HOOK2: variants seen among roughly 807,000 people sequenced by gnomAD.
HOOK2 encodes protein Hook homolog 2.
A neutral mutation model predicts 111.9 loss-of-function variants in HOOK2; 108 were observed. The observed-to-expected ratio is 0.96, with a 90% CI of 0.83 to 1.13. The LOEUF (loss-of-function observed/expected upper bound fraction) is 1.13. HOOK2 is among the 50% of genes most tolerant of loss of function. The pLI, the probability that HOOK2 is intolerant of heterozygous loss-of-function variation, is 0.00. For missense variants in HOOK2, 978 were observed against 951.3 expected (o/e 1.03, Z -0.37); for synonymous variants, 405 against 394.3 (o/e 1.03, Z -0.32).
Position 12,772,806 on chromosome 19 carries a change from C to A in HOOK2, c.362G>T (p.Cys121Phe). The A allele has an allele frequency of 1.2e-6, 2 of 1,614,216 alleles. No individual in the cohort carries two copies. Among genetic ancestry groups the A allele is most frequent in the Non-Finnish European group, 1.7e-6 (2 of 1,180,026 alleles). Residue 121 changes from cysteine to phenylalanine, a missense_variant, in exon 5 of 23, where the codon TGT becomes TTT. This residue lies in a region of HOOK2 where 301 missense variants were observed against 286.1 expected (regional missense o/e 1.05). Transcript: ENST00000397668. Reference sequence around the variant, plus strand: ...CTGCTTTTTCTCGCAACTGATGGCACAGCCCAGCACCAGCTGAAGCAGCTT... The same window carrying A: ...CTGCTTTTTCTCGCAACTGATGGCAAAGCCCAGCACCAGCTGAAGCAGCTT... ...LGKLLQLVLGCAISCEKKQDH... is the reference protein window; with the variant it reads ...LGKLLQLVLGFAISCEKKQDH...
chr19:12,763,755 C>T lies in HOOK2; in HGVS notation c.1851G>A (p.Lys617=), dbSNP rs764692264. Residue 617 remains lysine (K), a synonymous_variant, in exon 21 of 23, where the codon AAG becomes AAA. Coordinates refer to ENST00000397668, the MANE Select transcript of HOOK2 (RefSeq NM_013312.3). ...GAGGTGCCCCCGCAGCTGGCCGCTG[C>T]TTGGGTTCCATGGTCTGCATGACCT... ...ARMVMQTMEP[K]QRPAAGAPPE... 6.2e-7 allele frequency: 1 copy of T among 1,614,174 alleles called. No individual in the cohort carries two copies. The highest frequency in any genetic ancestry group is 8.5e-7 in the Non-Finnish European group (1 of 1,180,016).
upstream of HOOK2, among the ~76,000 whole-genome samples, chr19:12,782,801 C>T (rs1410275077): frequency 6.6e-6 from 1 of 152,182 alleles, no homozygotes; most frequent in African/African-American, 2.4e-5. Context: ...CTTGTGGCCC[C>T]TCGACCGAGC....
intron 11 of HOOK2, among the ~76,000 whole-genome samples, 182 bp downstream of exon 11, chr19:12,769,699 G>A (rs758502499): frequency 6.6e-6 from 1 of 152,236 alleles, no homozygotes; most frequent in South Asian, 2.1e-4. Flanking sequence ...GTACTTAAGG[G>A]AAGGGAAAGG....
At chr19:12,774,791 C>T in intron 2 of HOOK2, 21 bp downstream of exon 2, 1 of 1,613,750 alleles carries the variant, frequency 6.2e-7, no homozygotes, top group Non-Finnish European at 8.5e-7. Context: ...TTTTGGGATC[C>T]TCCCCTTCAG....
At position 12,767,919 on chromosome 19, in the gene HOOK2, A is replaced by C; in HGVS notation, c.1216-16T>G. ...CCAACAGCCGCTGCAGGGACAGGGT[A>C]CAAGACACTCCACGGGTCAGGCTCG... On this transcript the variant is annotated splice_polypyrimidine_tract_variant and intron_variant, in intron 12 of 22. Coordinates refer to ENST00000397668, the MANE Select transcript of HOOK2 (RefSeq NM_013312.3). The C allele has an allele frequency of 6.2e-7, 1 of 1,611,698 alleles. No individual in the cohort carries two copies. The highest frequency in any genetic ancestry group is 1.1e-5 in the South Asian group (1 of 90,958).
At position 12,763,778 on chromosome 19, in the gene HOOK2, C is replaced by A; in HGVS notation, c.1828G>T (p.Val610Phe). The change falls in exon 21 of 23, where the codon GTC (valine) becomes TTC (phenylalanine). Residue 610 changes from valine (V) to phenylalanine (F), a missense_variant and splice_region_variant. Val to Phe is a conservative substitution (Grantham distance 50, BLOSUM62 -1). This residue lies in a region of HOOK2 where 277 missense variants were observed against 265.8 expected (regional missense o/e 1.04). Transcript: ENST00000397668. ...TGCTTGGGTTCCATGGTCTGCATGA[C>A]CTACAGGTTGAGGAAGTCATAGCCA... is the stretch of plus-strand genomic sequence containing the variant. ...YRRYVDKARM[V>F]MQTMEPKQRP... The A allele has an allele frequency of 6.2e-7, 1 of 1,613,524 alleles. No individual in the cohort carries two copies. Among genetic ancestry groups the A allele is most frequent in the Non-Finnish European group, 8.5e-7 (1 of 1,179,558 alleles).
At position 12,770,730 on chromosome 19, in the gene HOOK2, G is replaced by A. The variant is rs546803865; in HGVS notation, c.902+202C>T. Among the ~76,000 whole-genome samples, 100 of 151,736 alleles carry A rather than the reference G, an allele frequency of 6.6e-4. 4 individuals are homozygous for A. The South Asian group carries it at 0.02, about 30-fold the overall frequency. ...AAGGGGGGGGCAGTGTGGGGTCCAG[G>A]GGATATGGTGGAATTCAGGATAGTG... is the stretch of plus-strand genomic sequence containing the variant. On this transcript the variant is annotated intron_variant, in intron 10 of 22. Coordinates refer to ENST00000397668, the MANE Select transcript of HOOK2 (RefSeq NM_013312.3).
upstream of HOOK2, among the ~76,000 whole-genome samples, chr19:12,782,053 G>T (rs1345237782): frequency 6.6e-6 from 1 of 152,046 alleles, no homozygotes; most frequent in Non-Finnish European, 1.5e-5. Context: ...CAGGGGTCTT[G>T]CTATGTTGCC....
intron 14 of HOOK2, chr19:12,766,486 C>A: frequency 2.1e-6 from 1 of 481,762 alleles, no homozygotes. Context: ...TGGATTCGAA[C>A]AGCTGGGATG....
At chr19:12,781,425 C>T (rs1046253255), upstream of HOOK2, among the ~76,000 whole-genome samples, 2 of 151,082 alleles carry the variant, frequency 1.3e-5, no homozygotes, top group Non-Finnish European at 3.0e-5. Context: ...CTCCCGGGTT[C>T]ACGCCATTCT....
At chr19:12,788,988 G>T (rs1568380837) in intron 3 of HOOK2, among the ~76,000 whole-genome samples, 1 of 151,794 alleles carries the variant, frequency 6.6e-6, no homozygotes, top group Non-Finnish European at 1.5e-5. Context: ...CTGCACTGCT[G>T]GACTTCCCCC....
chr19:12,775,592 G>T, upstream of HOOK2: 2 of 559,988 alleles, frequency 3.6e-6, no homozygotes, highest in Non-Finnish European at 4.6e-6. Context: ...CGCAGGCCCC[G>T]CCCCGCCCCC....
chr19:12,770,269 TGGTTAGCCCAG>T (rs890103558), intron 10 of HOOK2, among the ~76,000 whole-genome samples, 187 bp from the exon 11 acceptor site: 9 of 151,352 alleles, frequency 5.9e-5, no homozygotes, highest in African/African-American at 2.2e-4. Context: ...ATTACAGCAA[TGGTTAGCCCAG>T]GGTTATAATC....
chr19:12,763,723 A>C lies in HOOK2; in HGVS notation c.1883T>G (p.Leu628Arg). 1 of 1,614,156 alleles carries C rather than the reference A, an allele frequency of 6.2e-7. No homozygotes were observed. Among genetic ancestry groups the C allele is most frequent in the Non-Finnish European group, 8.5e-7 (1 of 1,180,022 alleles). ...TCGGAGCTGTGTCCTCAGGGAATGG[A>C]GTTCTGGAGGTGCCCCCGCAGCTGG... is the stretch of plus-strand genomic sequence containing the variant. ...QRPAAGAPPE[L>R]HSLRTQLRER... The change falls in exon 21 of 23, where the codon CTC (leucine) becomes CGC (arginine). Residue 628 changes from leucine to arginine, a missense_variant. By Grantham distance (102) the Leu-to-Arg change is moderately radical (BLOSUM62 -2). Around this residue, in one of 5 missense-constraint regions of HOOK2, gnomAD observed 277 missense variants for 265.8 expected, o/e 1.04. Coordinates refer to ENST00000397668, the MANE Select transcript of HOOK2 (RefSeq NM_013312.3).
chr19:12,768,167 C>T, intron 11 of HOOK2, 44 bp from the exon 12 acceptor site: 2 of 1,504,960 alleles, frequency 1.3e-6, no homozygotes, highest in Non-Finnish European at 1.8e-6. Context: ...GGGCTGGGAG[C>T]AGGGGCAGGG....
intron 11 of HOOK2, among the ~76,000 whole-genome samples, chr19:12,769,115 A>G (rs1599485677): frequency 6.6e-6 from 1 of 150,626 alleles, no homozygotes; most frequent in Admixed American, 6.6e-5. Context: ...ACAGGCGCCC[A>G]CCACCACGCC....
Position 12,791,304 on chromosome 19 carries a change from C to T in HOOK2, n.42-17079G>A, listed in dbSNP as rs1229862578. On this transcript the variant is annotated intron_variant and non_coding_transcript_variant, in intron 3 of 3. Coordinates refer to the HOOK2 transcript ENST00000589765. The surrounding 1 kb of genome is among the most constrained non-coding windows in gnomAD (Gnocchi z 7.0). The stretch of plus-strand genomic sequence containing the variant: ...CTCCCCCTGCAGCCCCGCCGAGCCA[C>T]CCGGCCCGTGGCCGCTGTTTACAAG... Among the ~76,000 whole-genome samples the T allele has an allele frequency of 6.6e-6, 1 of 152,258 alleles. No homozygotes were observed. The highest frequency in any genetic ancestry group is 2.4e-5 in the African/African-American group (1 of 41,474).
At chr19:12,772,012 G>A in intron 7 of HOOK2, 178 bp downstream of exon 7, 1 of 616,246 alleles carries the variant, frequency 1.6e-6, no homozygotes, top group Non-Finnish European at 2.9e-6. Flanking sequence ...GATGGGCGTG[G>A]CTTACAGGCT....
chr19:12,774,970 T>C (rs1968452226), intron 1 of HOOK2, 73 bp from the exon 2 acceptor site: 1 of 1,426,852 alleles, frequency 7.0e-7, no homozygotes, highest in Non-Finnish European at 9.6e-7. Context: ...TTTGCAGACT[T>C]TTCCAGTCAG....
Sources: gnomAD v4.1 joint callset for allele counts (sites outside exome capture counted in the v4.1 genomes callset) on GRCh38, gnomAD v4.1.1 for gene constraint, gnomAD v4.1.1 regional missense constraint, Gnocchi (gnomAD v3.1) non-coding constraint, MANE v1.5 for transcripts, NCBI Gene and HGNC (gene_info 2026-07-23, HGNC 2026-07-21) for gene names.